The following GALNS variants were observed in gnomAD, a reference collection of about 807,000 sequenced individuals.
GALNS encodes the protein galactosamine (N-acetyl)-6-sulfatase.
Under a neutral mutation model 65.9 loss-of-function variants are expected in GALNS, and 65 were observed. That is an observed-to-expected ratio of 0.99 (90% CI 0.81 to 1.21). The LOEUF is 1.21. Ranked by LOEUF, GALNS falls within the 50% of genes most tolerant of loss-of-function variation. GALNS has a pLI of 0.00. For missense variants in GALNS, 776 were observed against 700.7 expected, an observed-to-expected ratio of 1.11 and a Z score of -1.21; for synonymous variants, 346 against 288.9, an observed-to-expected ratio of 1.20 and a Z score of -2.00.
At position 88,841,113 on chromosome 16, in the gene GALNS, G is replaced by A; in HGVS notation, c.320-19C>T. On this transcript the variant is annotated intron_variant, in intron 3 of 13. Coordinates refer to ENST00000268695, the MANE Select transcript of GALNS (RefSeq NM_000512.5). ...GTGTAGGCTGGAAGAGCAGCGCTGG[G>A]TGAGCCCCGAGGAGACCCCGAGAAG... 1.9e-6 allele frequency: 3 copies of A among 1,603,628 alleles called. No individual in the cohort carries two copies. Among genetic ancestry groups the A allele is most frequent in the Middle Eastern group, 3.3e-4 (2 of 6,032 alleles).
intron 13 of GALNS, chr16:88,816,690 G>A (rs1909664573): frequency 1.0e-6 from 1 of 985,354 alleles, no homozygotes; most frequent in Non-Finnish European, 1.2e-6. Flanking sequence ...GGCCCACGCT[G>A]TGGCTCCCTG....
Position 88,836,279 on chromosome 16 carries a change from A to G in GALNS, c.567-12T>C. The stretch of plus-strand genomic sequence containing the variant: ...ATTCTTCATAATATCTGAAAAGAAC[A>G]CAGATCCAGACAGACTTCAGAATTT... On this transcript the variant is annotated splice_polypyrimidine_tract_variant and intron_variant, in intron 5 of 13. Transcript: ENST00000268695. The G allele has an allele frequency of 6.2e-7, 1 of 1,603,066 alleles. No individual in the cohort carries two copies. Among genetic ancestry groups the G allele is most frequent in the African/African-American group, 1.3e-5 (1 of 74,772 alleles).
chr16:88,830,458 T>C (rs1000878344), intron 9 of GALNS, among the ~76,000 whole-genome samples: 1 of 151,308 alleles, frequency 6.6e-6, no homozygotes, highest in African/African-American at 2.5e-5. Context: ...GCTGTCGTCA[T>C]GTGTGATGTT....
At position 88,818,083 on chromosome 16, in the gene GALNS, G is replaced by A. The variant is rs766065195; in HGVS notation, c.1406C>T (p.Thr469Ile). 1 of 1,574,302 alleles carries A rather than the reference G, an allele frequency of 6.4e-7. No individual in the cohort carries two copies. Among genetic ancestry groups the A allele is most frequent in the Non-Finnish European group, 8.6e-7 (1 of 1,166,168 alleles). ...AEYQEALSRITSVVQQHQEAL... is the reference protein window; with the variant it reads ...AEYQEALSRIISVVQQHQEAL... ...CTCCTGGTGCTGCTGGACGACCGAG[G>A]TGATCCTGCTGAGGGCCTCCTGGTA... is the stretch of plus-strand genomic sequence containing the variant. The change falls in exon 13 of 14, where the codon ACC becomes ATC. Residue 469 changes from threonine to isoleucine, a missense_variant. Thr to Ile is a moderately conservative substitution (Grantham distance 89, BLOSUM62 -1). Transcript: ENST00000268695.
chr16:88,836,096 G>T, intron 6 of GALNS, 105 bp downstream of exon 6: 1 of 1,194,982 alleles, frequency 8.4e-7, no homozygotes, highest in Non-Finnish European at 1.2e-6. Flanking sequence ...CCTCCCACGG[G>T]GTGAGGTTGA....
intron 1 of GALNS, chr16:88,855,573 C>CG: frequency 1.5e-6 from 1 of 686,500 alleles, no homozygotes; most frequent in Non-Finnish European, 2.7e-6. Context: ...CCAGGACTGT[C>CG]GGCTGTCACC....
chr16:88,828,388 T>C (rs967901987), intron 9 of GALNS, among the ~76,000 whole-genome samples: 2 of 152,176 alleles, frequency 1.3e-5, no homozygotes, highest in Non-Finnish European at 2.9e-5. Flanking sequence ...AGTGGGCAGC[T>C]GCGGCTGTGG....
chr16:88,853,526 T>A (rs1597600859), intron 1 of GALNS, among the ~76,000 whole-genome samples: 1 of 152,106 alleles, frequency 6.6e-6, no homozygotes, highest in South Asian at 2.1e-4. Context: ...TGGCCCTGAC[T>A]CTCCACTTCC....
At chr16:88,854,627 C>T (rs142003288) in intron 1 of GALNS, among the ~76,000 whole-genome samples, 159 of 152,352 alleles carry the variant, frequency 1.0e-3, no homozygotes, top group African/African-American at 2.9e-3. Context: ...TAACATGACA[C>T]GGGCAGAGCC....
chr16:88,836,984 C>T (rs370830335), intron 5 of GALNS, among the ~76,000 whole-genome samples: 4 of 152,346 alleles, frequency 2.6e-5, no homozygotes, highest in East Asian at 1.9e-4. Context: ...ATGGGGGCTG[C>T]GTGGTGCGAC....
At chr16:88,850,803 G>A (rs1324624503) in intron 1 of GALNS, among the ~76,000 whole-genome samples, 2 of 152,256 alleles carry the variant, frequency 1.3e-5, no homozygotes, top group African/African-American at 4.8e-5. Context: ...TGCCTAGGCT[G>A]GCAGTGCGGC....
intron 1 of GALNS, chr16:88,856,196 G>C (rs1490266842): frequency 5.7e-6 from 4 of 703,020 alleles, no homozygotes; most frequent in Admixed American, 4.0e-5. Context: ...CAGACCTTAG[G>C]GACACCTGAC....
Position 88,836,215 on chromosome 16 carries a change from G to C in GALNS, c.619C>G (p.Gln207Glu), listed in dbSNP as rs1037246177. The C allele has an allele frequency of 3.1e-6, 5 of 1,613,336 alleles. No individual in the cohort carries two copies. Among genetic ancestry groups the C allele is most frequent in the African/African-American group, 1.3e-5 (1 of 74,912 alleles). The change falls in exon 6 of 14, where the codon CAG becomes GAG. Residue 207 changes from glutamine (Q) to glutamate (E), a missense_variant. Coordinates refer to ENST00000268695, the MANE Select transcript of GALNS (RefSeq NM_000512.5). Reference protein sequence around the residue: ...NLKTGEANLTQIYLQEALDFI... With the variant: ...NLKTGEANLTEIYLQEALDFI... ...GTCCCCATCACCTGCAGGTAGATCTGGGTGAGGTTGGCTTCCCCCGTCTTC... is the reference window on the plus strand; with the variant it reads ...GTCCCCATCACCTGCAGGTAGATCTCGGTGAGGTTGGCTTCCCCCGTCTTC...
rs1287217461 is a variant in GALNS, at chr16:88,855,915, C to G, written c.120+843G>C. The G allele has an allele frequency of 9.2e-6, 5 of 543,258 alleles. No homozygotes were observed. The South Asian group carries it at 1.1e-4, about 11-fold the overall frequency. The allele number at this position is 543,258 out of a possible 1,614,324, so 33.7% of individuals were successfully genotyped here. ...TCTGGTACTCGGTGTCGTCCCAGTC[C>G]TCACACACAACGTGAGCACGGCGGG... On this transcript the variant is annotated intron_variant, in intron 1 of 13. Coordinates refer to ENST00000268695, the MANE Select transcript of GALNS (RefSeq NM_000512.5).
intron 8 of GALNS, 152 bp from the exon 9 acceptor site, chr16:88,832,253 C>T (rs1911586945): frequency 2.7e-6 from 2 of 738,510 alleles, no homozygotes; most frequent in South Asian, 3.0e-5. Context: ...CTCGGGGTGG[C>T]TCTCCAGGGG....
chr16:88,846,626 T>C (rs1967259242), intron 1 of GALNS, among the ~76,000 whole-genome samples: 1 of 151,408 alleles, frequency 6.6e-6, no homozygotes, highest in African/African-American at 2.4e-5. Context: ...ACGGCAACCT[T>C]TGCCTCTCGG....
At chr16:88,819,238 C>A (rs1214979473) in intron 12 of GALNS, among the ~76,000 whole-genome samples, 1 of 152,106 alleles carries the variant, frequency 6.6e-6, no homozygotes, top group Non-Finnish European at 1.5e-5. Flanking sequence ...CCACCCACTC[C>A]CTGCTTAGGC....
chr16:88,843,055 G>T (rs770006291), intron 1 of GALNS: 1 of 1,521,082 alleles, frequency 6.6e-7, no homozygotes, highest in South Asian at 1.2e-5. Flanking sequence ...GTGCGTGCAC[G>T]ATGGGGCCGC....
At chr16:88,836,307 G>T (rs1382801574) in intron 5 of GALNS, 40 bp from the exon 6 acceptor site, 5 of 1,523,488 alleles carry the variant, frequency 3.3e-6, no homozygotes, top group Admixed American at 1.7e-5. Flanking sequence ...CAGAATTTAG[G>T]CCAAGAAAGT....
Sources: allele counts gnomAD v4.1 joint callset (sites outside exome capture counted in the v4.1 genomes callset), GRCh38; gene constraint gnomAD v4.1.1; transcripts MANE v1.5; gene names NCBI Gene and HGNC (gene_info 2026-07-23, HGNC 2026-07-21).